The following FBXO4 variants were observed in gnomAD, a reference collection of about 807,000 sequenced individuals.
FBXO4 encodes F-box only protein 4.
FBXO4 carries 36 observed loss-of-function variants against 43.7 expected under a neutral mutation model. The observed-to-expected ratio is 0.82, with a 90% confidence interval of 0.63 to 1.09. FBXO4 has a LOEUF of 1.09. FBXO4 is among the 50% of genes least tolerant of loss of function. The probability of loss-of-function intolerance (pLI) is 0.00; values close to 1 mark genes in which losing one functional copy is unlikely to be tolerated. For missense variants in FBXO4, 435 were observed against 474.1 expected (o/e 0.92, Z 0.77); for synonymous variants, 180 against 165.6 (o/e 1.09, Z -0.67).
the FBXO4 span, among the ~76,000 whole-genome samples, chr5:42,031,662 T>C: frequency 6.6e-6 from 1 of 152,024 alleles, no homozygotes; most frequent in African/African-American, 2.4e-5. Flanking sequence ...CACATATCTG[T>C]GTTTCTCCAG....
At chr5:41,958,815 T>C in the FBXO4 span, among the ~76,000 whole-genome samples, 5 of 152,214 alleles carry the variant, frequency 3.3e-5, no homozygotes, top group African/African-American at 1.2e-4. Context: ...GGACTTAGGA[T>C]GATTTCACAT....
chr5:41,965,012 T>C, the FBXO4 span, among the ~76,000 whole-genome samples: 12 of 152,236 alleles, frequency 7.9e-5, no homozygotes, highest in Admixed American at 4.6e-4. Context: ...TTTTTATGGT[T>C]TTAGGTCTAA....
At chr5:41,934,676 T>C in intron 5 of FBXO4, 6 of 1,083,824 alleles carry the variant, frequency 5.5e-6, no homozygotes, top group Non-Finnish European at 6.7e-6. Context: ...TTTTTGATAC[T>C]GACATTTTGT....
At chr5:41,973,489 C>A in the FBXO4 span, among the ~76,000 whole-genome samples, 28 of 152,066 alleles carry the variant, frequency 1.8e-4, no homozygotes, top group African/African-American at 6.8e-4. Flanking sequence ...CCAGTCTGGG[C>A]AACATGGTGA....
the FBXO4 span, among the ~76,000 whole-genome samples, chr5:42,016,356 C>T: frequency 1.3e-5 from 2 of 151,898 alleles, no homozygotes; most frequent in African/African-American, 4.8e-5. Flanking sequence ...TTTATTCCCC[C>T]TCCCTCCTTT....
downstream of FBXO4, among the ~76,000 whole-genome samples, chr5:41,943,660 A>G (rs1752036467): frequency 6.6e-6 from 1 of 152,278 alleles, no homozygotes; most frequent in Non-Finnish European, 1.5e-5. Context: ...CTGTTTAATC[A>G]TATAAACTCT....
chr5:41,932,215 T>A (rs997454939), intron 3 of FBXO4, among the ~76,000 whole-genome samples: 2 of 152,148 alleles, frequency 1.3e-5, no homozygotes, highest in Admixed American at 1.3e-4. Context: ...CGAGAGAATA[T>A]GGGGTTACAT....
chr5:42,008,755 G>A, the FBXO4 span, among the ~76,000 whole-genome samples: 1 of 152,038 alleles, frequency 6.6e-6, no homozygotes, highest in South Asian at 2.1e-4. Context: ...TGTGATTCTT[G>A]GATTTTTAGT....
chr5:41,969,378 C>T, the FBXO4 span, among the ~76,000 whole-genome samples: 5 of 152,088 alleles, frequency 3.3e-5, no homozygotes, highest in Non-Finnish European at 5.9e-5. Flanking sequence ...CTATTCATGC[C>T]GTTCTCCCCA....
chr5:42,004,185 C>A, the FBXO4 span, among the ~76,000 whole-genome samples: 2 of 152,128 alleles, frequency 1.3e-5, no homozygotes, highest in Admixed American at 1.3e-4. Flanking sequence ...ATTTTATCAC[C>A]CATTTCCTTC....
chr5:41,976,471 C>T, the FBXO4 span, among the ~76,000 whole-genome samples: 1 of 152,150 alleles, frequency 6.6e-6, no homozygotes, highest in Admixed American at 6.5e-5. Flanking sequence ...TAAACATTTC[C>T]ATTCCAAAAG....
chr5:41,997,156 C>A, the FBXO4 span, among the ~76,000 whole-genome samples: 1 of 152,202 alleles, frequency 6.6e-6, no homozygotes, highest in East Asian at 1.9e-4. Context: ...AAGTTAATGG[C>A]TGCATACCAG....
At chr5:41,953,901 T>C in the FBXO4 span, among the ~76,000 whole-genome samples, 1 of 152,112 alleles carries the variant, frequency 6.6e-6, no homozygotes, top group Non-Finnish European at 1.5e-5. Context: ...ATATTAGCCC[T>C]TTGTCAGATG....
the FBXO4 span, among the ~76,000 whole-genome samples, chr5:41,996,801 C>T: frequency 6.6e-6 from 1 of 152,176 alleles, no homozygotes; most frequent in Non-Finnish European, 1.5e-5. Flanking sequence ...GGCCCCACAC[C>T]ACTGGACCCC....
the FBXO4 span, among the ~76,000 whole-genome samples, chr5:42,006,655 G>A: frequency 6.6e-6 from 1 of 151,406 alleles, no homozygotes; most frequent in African/African-American, 2.4e-5. Context: ...AAGGAAGAAG[G>A]GTCTTAATAG....
At chr5:41,937,739 C>A (rs1751885933) in intron 5 of FBXO4, among the ~76,000 whole-genome samples, 1 of 152,190 alleles carries the variant, frequency 6.6e-6, no homozygotes, top group Non-Finnish European at 1.5e-5. Context: ...TGGTGAGTGC[C>A]TTTCTTGCTG....
At chr5:42,017,105 C>T in the FBXO4 span, among the ~76,000 whole-genome samples, 1 of 151,784 alleles carries the variant, frequency 6.6e-6, no homozygotes, top group Admixed American at 6.6e-5. Context: ...ATAGATATAA[C>T]ATATGTATCT....
the FBXO4 span, among the ~76,000 whole-genome samples, chr5:42,021,405 T>C: frequency 6.6e-6 from 1 of 152,132 alleles, no homozygotes; most frequent in Non-Finnish European, 1.5e-5. Flanking sequence ...TGAGCACCCT[T>C]TTAGATCATA....
the FBXO4 span, among the ~76,000 whole-genome samples, chr5:42,012,014 G>A: frequency 6.6e-6 from 1 of 152,210 alleles, no homozygotes; most frequent in African/African-American, 2.4e-5. Flanking sequence ...ACGTTGGTGG[G>A]AAGGTCAGCA....
Sources: gnomAD v4.1 joint callset for allele counts (sites outside exome capture counted in the v4.1 genomes callset) on GRCh38, gnomAD v4.1.1 for gene constraint, MANE v1.5 for transcripts, NCBI Gene and HGNC (gene_info 2026-07-23, HGNC 2026-07-21) for gene names.